Variants in AOPEP observed in about 807,000 individuals in gnomAD.
AOPEP encodes the protein aminopeptidase O.
In AOPEP, 77 loss-of-function variants were observed where a neutral mutation model predicts 98.1. That is an observed-to-expected ratio of 0.78 (90% confidence interval 0.65 to 0.95). The LOEUF is 0.95. Among genes scored for constraint, AOPEP ranks in the 40% least tolerant of loss-of-function variants. The pLI, the probability that AOPEP is intolerant of heterozygous loss-of-function variation, is 0.00. For synonymous variants in AOPEP, 346 were observed against 365.3 expected (o/e 0.95, Z 0.60); for missense variants, 1,024 against 1,024.7 (o/e 1.00, Z 0.01).
intron 5 of AOPEP, among the ~76,000 whole-genome samples, chr9:94,862,800 C>G (rs1261177529): frequency 6.6e-6 from 1 of 152,156 alleles, no homozygotes; most frequent in Non-Finnish European, 1.5e-5. Flanking sequence ...CGTGTTTGTC[C>G]TTTCTCAGTG....
At chr9:94,917,824 G>C (rs1371725862) in intron 5 of AOPEP, among the ~76,000 whole-genome samples, 2 of 151,970 alleles carry the variant, frequency 1.3e-5, no homozygotes, top group African/African-American at 4.8e-5. Context: ...TCAGCCTGTT[G>C]GCCTCTTTTG....
chr9:95,031,673 C>T (rs954289025), intron 13 of AOPEP, among the ~76,000 whole-genome samples: 1 of 152,170 alleles, frequency 6.6e-6, no homozygotes, highest in Admixed American at 6.5e-5. Flanking sequence ...TAAAGCTCAC[C>T]TGTGCACCTT....
intron 11 of AOPEP, among the ~76,000 whole-genome samples, chr9:94,998,934 T>C (rs906181590): frequency 2.6e-5 from 4 of 152,244 alleles, no homozygotes; most frequent in African/African-American, 9.6e-5. Context: ...TTTGATGATG[T>C]CTGTATAGTA....
chr9:94,861,801 TC>T (rs1350378542), intron 5 of AOPEP, among the ~76,000 whole-genome samples: 39 of 152,286 alleles, frequency 2.6e-4, no homozygotes, highest in African/African-American at 9.1e-4. Context: ...TCCACAGCCA[TC>T]CTCCCTGTAA....
At chr9:94,791,166 AG>A (rs1335432143) in intron 3 of AOPEP, among the ~76,000 whole-genome samples, 2 of 152,212 alleles carry the variant, frequency 1.3e-5, no homozygotes, top group African/African-American at 2.4e-5. Context: ...GTCATAAAAA[AG>A]AATGAGATAA....
the AOPEP span, chr9:95,126,456 A>C: frequency 2.8e-6 from 4 of 1,409,932 alleles, no homozygotes; most frequent in Middle Eastern, 1.8e-4. Context: ...GACTACCACA[A>C]CATTTTCTGA....
chr9:94,816,544 G>T (rs923694288), intron 5 of AOPEP, among the ~76,000 whole-genome samples: 11 of 152,168 alleles, frequency 7.2e-5, no homozygotes, highest in Non-Finnish European at 1.3e-4. Flanking sequence ...ACTTAGAATG[G>T]TTAGGAAGGT....
intron 13 of AOPEP, among the ~76,000 whole-genome samples, chr9:95,032,767 G>A (rs138088394): frequency 2.1e-4 from 32 of 152,304 alleles, no homozygotes; most frequent in Non-Finnish European, 3.5e-4. Context: ...GTGAGGGGAG[G>A]GTGGTTTGGA....
chr9:94,914,327 C>T (rs1360396986), intron 5 of AOPEP, among the ~76,000 whole-genome samples: 3 of 152,216 alleles, frequency 2.0e-5, no homozygotes, highest in Admixed American at 6.5e-5. Flanking sequence ...CTGAAAGGAC[C>T]AGCTCCGATT....
the AOPEP span, among the ~76,000 whole-genome samples, chr9:95,104,065 AT>A: frequency 2.0e-5 from 3 of 152,090 alleles, no homozygotes; most frequent in African/African-American, 4.8e-5. Flanking sequence ...CAAAGCAACC[AT>A]CTGGCCACCA....
In AOPEP at chr9:95,036,702, C is replaced by CTTTTTT. The variant is rs58616523; in HGVS notation, c.2116-23987_2116-23982dup. Among the ~76,000 whole-genome samples the CTTTTTT allele has an allele frequency of 5.9e-5, 8 of 135,818 alleles. 2 individuals are homozygous for CTTTTTT. Among genetic ancestry groups the CTTTTTT allele is most frequent in the Non-Finnish European group, 9.3e-5 (6 of 64,234 alleles). The allele number at this position is 135,818 out of a possible 152,430, so 89.1% of individuals were successfully genotyped here. On this transcript the variant is annotated intron_variant, in intron 13 of 16. Transcript: ENST00000375315. The stretch of plus-strand genomic sequence containing the variant: ...TTTCTTGTTCTTCTTTCTTCTTCTT[C>CTTTTTT]TTTTTTTTTTGTGGGGAATAAAACT...
At chr9:95,107,514 C>CT in the AOPEP span, 4 of 582,712 alleles carry the variant, frequency 6.9e-6, no homozygotes, top group South Asian at 2.0e-5. Context: ...AGGAACTGAC[C>CT]TTTTTTTGTA....
At chr9:95,007,921 C>T (rs572565421) in intron 13 of AOPEP, among the ~76,000 whole-genome samples, 5 of 152,302 alleles carry the variant, frequency 3.3e-5, no homozygotes, top group Non-Finnish European at 5.9e-5. Flanking sequence ...TAGGAGCCGA[C>T]GCAGTTCACT....
At chr9:94,756,973 C>T (rs1477894967) in intron 1 of AOPEP, among the ~76,000 whole-genome samples, 1 of 152,206 alleles carries the variant, frequency 6.6e-6, no homozygotes, top group Non-Finnish European at 1.5e-5. Flanking sequence ...GCTTAGCCTT[C>T]ATCAGTAGCG....
downstream of AOPEP, among the ~76,000 whole-genome samples, chr9:95,091,763 G>A (rs9650757): frequency 4.6e-5 from 7 of 152,236 alleles, no homozygotes; most frequent in East Asian, 1.9e-4. Context: ...TGTTCCAGTC[G>A]GATAACTAGA....
intron 13 of AOPEP, among the ~76,000 whole-genome samples, chr9:95,054,534 A>G (rs1408592919): frequency 2.0e-5 from 3 of 152,228 alleles, no homozygotes; most frequent in African/African-American, 7.2e-5. Flanking sequence ...AACATTTGAC[A>G]CTTACAATCT....
chr9:94,764,460 A>G (rs1395346860), intron 2 of AOPEP, among the ~76,000 whole-genome samples: 1 of 152,146 alleles, frequency 6.6e-6, no homozygotes, highest in Non-Finnish European at 1.5e-5. Flanking sequence ...CAGCCTGGCC[A>G]ACATGGCGAA....
chr9:94,825,613 G>A (rs1854332753), intron 5 of AOPEP, among the ~76,000 whole-genome samples: 1 of 152,238 alleles, frequency 6.6e-6, no homozygotes, highest in African/African-American at 2.4e-5. Context: ...GTTGGAACAT[G>A]CAGTGTTCTT....
chr9:95,046,613 C>G (rs966904229), intron 13 of AOPEP, among the ~76,000 whole-genome samples: 1 of 152,102 alleles, frequency 6.6e-6, no homozygotes, highest in African/African-American at 2.4e-5. Flanking sequence ...AGAGATCGAC[C>G]CAGCTAAGAA....
Sources: gnomAD v4.1 joint callset for allele counts (sites outside exome capture counted in the v4.1 genomes callset) on GRCh38, gnomAD v4.1.1 for gene constraint, MANE v1.5 for transcripts, NCBI Gene and HGNC (gene_info 2026-07-23, HGNC 2026-07-21) for gene names.